Variants in IGSF21 observed in about 807,000 individuals in gnomAD.
IGSF21 encodes immunoglobin superfamily member 21, also known as immunoglobulin superfamily member 21.
IGSF21 carries 28 observed loss-of-function variants against 46.8 expected under a neutral mutation model. The observed-to-expected ratio is 0.60, with a 90% CI of 0.44 to 0.82. IGSF21 has a LOEUF of 0.82. Among genes scored for constraint, IGSF21 ranks in the 40% least tolerant of loss-of-function variants. The pLI, the probability that IGSF21 is intolerant of heterozygous loss-of-function variation, is 0.00. For missense variants in IGSF21, 624 were observed against 665.5 expected (o/e 0.94, Z 0.69); for synonymous variants, 284 against 273.6 (o/e 1.04, Z -0.38).
At chr1:18,198,404 G>A (rs1024510145) in intron 1 of IGSF21, among the ~76,000 whole-genome samples, 5 of 152,206 alleles carry the variant, frequency 3.3e-5, no homozygotes, top group Non-Finnish European at 7.3e-5. Context: ...CCCATGCAGA[G>A]AGGGGAGCAG....
intron 1 of IGSF21, among the ~76,000 whole-genome samples, chr1:18,178,769 C>T (rs974774337): frequency 6.6e-6 from 1 of 152,040 alleles, no homozygotes; most frequent in Non-Finnish European, 1.5e-5. Flanking sequence ...CCCTACCCCA[C>T]CCCAGGGTCT....
At chr1:18,160,583 A>G (rs555431826) in intron 1 of IGSF21, among the ~76,000 whole-genome samples, 1 of 152,124 alleles carries the variant, frequency 6.6e-6, no homozygotes, top group Non-Finnish European at 1.5e-5. Flanking sequence ...TTCTGGTAAC[A>G]TGAGGATCGT....
At chr1:18,346,453 G>A (rs1355961298) in intron 4 of IGSF21, among the ~76,000 whole-genome samples, 4 of 152,156 alleles carry the variant, frequency 2.6e-5, no homozygotes, top group Non-Finnish European at 1.5e-5. Flanking sequence ...TTAGGACAGG[G>A]CAGGAAGTTA....
intron 6 of IGSF21, among the ~76,000 whole-genome samples, chr1:18,367,955 C>G (rs1329016735): frequency 6.6e-6 from 1 of 152,026 alleles, no homozygotes; most frequent in Non-Finnish European, 1.5e-5. Flanking sequence ...AAAATAAAGG[C>G]TAACATTTAG....
At chr1:18,184,260 A>C (rs1458486241) in intron 1 of IGSF21, among the ~76,000 whole-genome samples, 1 of 152,096 alleles carries the variant, frequency 6.6e-6, no homozygotes, top group East Asian at 1.9e-4. Context: ...ATGATGAGAG[A>C]TATTCCAATT....
chr1:18,252,072 A>G lies in IGSF21; in HGVS notation c.183+24062A>G, dbSNP rs1450481355. On this transcript the variant is annotated intron_variant, in intron 2 of 9. Transcript: ENST00000251296. ...TTTTTTTTTTTTTTTTTTTTTTGAG[A>G]TGGAGTCTCCCTCTGTCACCCCGGC... 9.7e-4 allele frequency among the ~76,000 whole-genome samples: 59 copies of G among 60,734 alleles called. No individual in the cohort carries two copies. In the Admixed American group the frequency reaches 0.01, roughly 11 times the overall value. 39.8% of individuals were successfully genotyped at this position (60,734 alleles called of 152,430 possible).
At chr1:18,151,676 T>C (rs1011413871) in intron 1 of IGSF21, among the ~76,000 whole-genome samples, 1 of 152,034 alleles carries the variant, frequency 6.6e-6, no homozygotes, top group African/African-American at 2.4e-5. Context: ...GCGACACTTA[T>C]TCCCTGCTTC....
intron 3 of IGSF21, among the ~76,000 whole-genome samples, chr1:18,294,706 G>A (rs994885783): frequency 2.6e-5 from 4 of 152,234 alleles, no homozygotes; most frequent in East Asian, 1.9e-4. Context: ...TAACAGGGGC[G>A]GTCTCCCAAG....
intron 3 of IGSF21, among the ~76,000 whole-genome samples, chr1:18,321,339 A>C (rs1557642530): frequency 6.6e-6 from 1 of 152,094 alleles, no homozygotes; most frequent in African/African-American, 2.4e-5. Context: ...CTCCAGCCTG[A>C]AAGAGTTTGT....
chr1:18,301,102 G>T (rs1422312921), intron 3 of IGSF21, among the ~76,000 whole-genome samples: 13 of 152,192 alleles, frequency 8.5e-5, no homozygotes, highest in Non-Finnish European at 1.9e-4. Flanking sequence ...TTTAACCTGT[G>T]GAGCACAGAT....
chr1:18,144,302 C>G (rs571258710), intron 1 of IGSF21, among the ~76,000 whole-genome samples: 2 of 152,080 alleles, frequency 1.3e-5, no homozygotes, highest in African/African-American at 4.8e-5. Flanking sequence ...AGTCCACAGG[C>G]GGCTCACAGA....
chr1:18,113,542 C>T (rs1431020708), intron 1 of IGSF21: 3 of 152,054 alleles, frequency 2.0e-5, no homozygotes, highest in African/African-American at 7.2e-5. Context: ...TTCCACCAGC[C>T]TTTGTTACAT....
At chr1:18,160,024 C>T (rs529435546) in intron 1 of IGSF21, among the ~76,000 whole-genome samples, 38 of 152,278 alleles carry the variant, frequency 2.5e-4, no homozygotes, top group Admixed American at 2.0e-3. Flanking sequence ...ACTAGTACAG[C>T]TTCCCAATGA....
chr1:18,346,679 A>G (rs1056224453), intron 4 of IGSF21, among the ~76,000 whole-genome samples: 2 of 152,140 alleles, frequency 1.3e-5, no homozygotes, highest in African/African-American at 4.8e-5. Context: ...ATCGCAGAAA[A>G]TGGGCCGTTG....
intron 1 of IGSF21, among the ~76,000 whole-genome samples, chr1:18,210,954 A>G (rs538606522): frequency 6.6e-6 from 1 of 151,914 alleles, no homozygotes; most frequent in East Asian, 1.9e-4. Context: ...TGCAGCCTCC[A>G]CCTCCTATGT....
intron 1 of IGSF21, among the ~76,000 whole-genome samples, chr1:18,180,111 C>T (rs2086842197): frequency 6.6e-6 from 1 of 152,206 alleles, no homozygotes; most frequent in Non-Finnish European, 1.5e-5. Context: ...TTCTTTTCCC[C>T]TCCTTAATTT....
At chr1:18,134,102 C>T (rs1392451711) in intron 1 of IGSF21, among the ~76,000 whole-genome samples, 1 of 152,048 alleles carries the variant, frequency 6.6e-6, no homozygotes, top group Non-Finnish European at 1.5e-5. Flanking sequence ...TGTTTTAGCA[C>T]CTAGGAGAGT....
chr1:18,341,289 T>A lies in IGSF21; in HGVS notation c.424+6279T>A, dbSNP rs2085838778. Reference sequence around the variant, plus strand: ...GATTTGCTCCTTATAAGGACATCAGTCATTGAATTAGGACTCACCCTAATC... The same window carrying A: ...GATTTGCTCCTTATAAGGACATCAGACATTGAATTAGGACTCACCCTAATC... On this transcript the variant is annotated intron_variant, in intron 4 of 9. Coordinates refer to ENST00000251296, the MANE Select transcript of IGSF21 (RefSeq NM_032880.5). Among the ~76,000 whole-genome samples the A allele has an allele frequency of 2.0e-5, 3 of 152,134 alleles. No homozygotes were observed. The South Asian group carries it at 6.2e-4, about 32-fold the overall frequency.
At chr1:18,241,266 C>T (rs545105387) in intron 2 of IGSF21, among the ~76,000 whole-genome samples, 1 of 152,282 alleles carries the variant, frequency 6.6e-6, no homozygotes, top group East Asian at 1.9e-4. Flanking sequence ...TCTTAGGATA[C>T]AGACAAATAT....
Sources: gnomAD v4.1 joint callset for allele counts (sites outside exome capture counted in the v4.1 genomes callset) on GRCh38, gnomAD v4.1.1 for gene constraint, MANE v1.5 for transcripts, NCBI Gene and HGNC (gene_info 2026-07-23, HGNC 2026-07-21) for gene names.